SPOCK1: variants seen among roughly 807,000 people sequenced by gnomAD.
The protein encoded by SPOCK1 is testican-1.
Under a neutral mutation model 55.3 loss-of-function variants are expected in SPOCK1, and 23 were observed. The observed-to-expected ratio is 0.42, with a 90% CI of 0.30 to 0.59. The LOEUF (loss-of-function observed/expected upper bound fraction) is 0.59, where lower values mean the gene tolerates loss of function less well. Among genes scored for constraint, SPOCK1 ranks in the 20% least tolerant of loss-of-function variants. The pLI, the probability that SPOCK1 is intolerant of heterozygous loss-of-function variation, is 0.22. For missense variants in SPOCK1, 499 were observed against 552.5 expected (o/e 0.90, Z 0.97); for synonymous variants, 226 against 221.0 (o/e 1.02, Z -0.20).
chr5:137,022,356 C>G (rs1222623866), intron 6 of SPOCK1, among the ~76,000 whole-genome samples: 1 of 152,076 alleles, frequency 6.6e-6, no homozygotes, highest in Non-Finnish European at 1.5e-5. Flanking sequence ...GACTCCAGTC[C>G]CAGGCACTAT....
At chr5:137,142,496 T>C (rs551207396) in intron 3 of SPOCK1, among the ~76,000 whole-genome samples, 1 of 152,178 alleles carries the variant, frequency 6.6e-6, no homozygotes, top group South Asian at 2.1e-4. Context: ...CTCAGGCCCA[T>C]CTGGAAAGTA....
intron 5 of SPOCK1, among the ~76,000 whole-genome samples, chr5:137,104,560 C>T (rs545855120): frequency 2.0e-4 from 31 of 152,342 alleles, no homozygotes; most frequent in Admixed American, 6.5e-4. Flanking sequence ...TAGGAACCGG[C>T]CCACAGCAGG....
At chr5:136,998,545 C>A (rs560283157) in intron 6 of SPOCK1, among the ~76,000 whole-genome samples, 1 of 152,308 alleles carries the variant, frequency 6.6e-6, no homozygotes, top group African/African-American at 2.4e-5. Flanking sequence ...GTCTTGTGGG[C>A]AGCCAATACT....
chr5:137,388,224 G>C (rs963759323), intron 2 of SPOCK1, among the ~76,000 whole-genome samples: 1 of 152,224 alleles, frequency 6.6e-6, no homozygotes, highest in Non-Finnish European at 1.5e-5. Flanking sequence ...TATTTACTGA[G>C]TGGATGAGAG....
intron 5 of SPOCK1, among the ~76,000 whole-genome samples, chr5:137,110,067 A>C (rs1753439601): frequency 6.6e-6 from 1 of 152,174 alleles, no homozygotes; most frequent in South Asian, 2.1e-4. Flanking sequence ...AAATGAATGA[A>C]AGATTCTTTC....
At chr5:137,292,426 TAAAAA>T (rs753574851) in intron 2 of SPOCK1, among the ~76,000 whole-genome samples, 23 of 38,006 alleles carry the variant, frequency 6.1e-4, no homozygotes, top group African/African-American at 1.9e-3. Flanking sequence ...CTGGTGTAGT[TAAAAA>T]AAAAAAAAAA....
Position 137,479,284 on chromosome 5 carries a change from C to T in SPOCK1, c.186+19089G>A, listed in dbSNP as rs141284278. Among the ~76,000 whole-genome samples the T allele has an allele frequency of 2.6e-3, 394 of 152,196 alleles. 2 individuals carry two copies. Among genetic ancestry groups the T allele is most frequent in the Non-Finnish European group, 4.4e-3 (301 of 68,012 alleles). ...GATGCAGCATTAGGGAAGTCTCTGT[C>T]CCCATGGGTTAGTAGAGCAAGGAAT... On this transcript the variant is annotated intron_variant, in intron 2 of 10. Transcript: ENST00000394945.
chr5:137,035,930 T>C (rs1029736094), intron 6 of SPOCK1, among the ~76,000 whole-genome samples: 2 of 152,160 alleles, frequency 1.3e-5, no homozygotes, highest in African/African-American at 4.8e-5. Context: ...TGCTGGGGAT[T>C]AACCAGGGAT....
chr5:137,412,287 A>G (rs192852048), intron 2 of SPOCK1, among the ~76,000 whole-genome samples: 1 of 152,350 alleles, frequency 6.6e-6, no homozygotes, highest in East Asian at 1.9e-4. Context: ...TTGGCACCCA[A>G]TTTCTGCCAG....
intron 3 of SPOCK1, among the ~76,000 whole-genome samples, chr5:137,156,155 G>C (rs756915846): frequency 4.6e-5 from 7 of 151,028 alleles, no homozygotes; most frequent in Non-Finnish European, 8.9e-5. Flanking sequence ...GGGGGAGCAG[G>C]GTAAGTGCCT....
intron 5 of SPOCK1, among the ~76,000 whole-genome samples, chr5:137,103,390 T>C (rs1753308251): frequency 6.6e-6 from 1 of 152,238 alleles, no homozygotes; most frequent in African/African-American, 2.4e-5. Flanking sequence ...AGTGGCCTTA[T>C]GATTAAGTTC....
chr5:137,016,334 C>G lies in SPOCK1; in HGVS notation c.590-23734G>C, dbSNP rs115778707. On this transcript the variant is annotated intron_variant, in intron 6 of 10. Coordinates refer to ENST00000394945, the MANE Select transcript of SPOCK1 (RefSeq NM_004598.4). ...TGAAGGTCATGCAATACCGCAAGCA[C>G]GAGCACAGCAGAAAGTGGGTATTTA... Among the ~76,000 whole-genome samples the G allele has an allele frequency of 3.9e-3, 598 of 152,306 alleles. 11 individuals carry two copies. The highest frequency in any genetic ancestry group is 0.02 in the Middle Eastern group (6 of 294).
chr5:137,426,019 C>T (rs1429562313), intron 2 of SPOCK1, among the ~76,000 whole-genome samples: 4 of 150,924 alleles, frequency 2.7e-5, no homozygotes, highest in Non-Finnish European at 2.9e-5. Context: ...TCTAGCTTAG[C>T]GTCTATCCAG....
intron 5 of SPOCK1, among the ~76,000 whole-genome samples, chr5:137,082,733 C>T (rs13173261): frequency 0.87 from 131,953 of 152,180 alleles, 58,068 homozygotes; most frequent in South Asian, 0.95. Flanking sequence ...TGGGCCTCGG[C>T]CCACAGAGGC....
intron 2 of SPOCK1, among the ~76,000 whole-genome samples, chr5:137,386,137 C>A (rs966650667): frequency 1.3e-5 from 2 of 152,030 alleles, no homozygotes; most frequent in African/African-American, 2.4e-5. Flanking sequence ...TATATTAGCA[C>A]CCAAATAAAT....
intron 3 of SPOCK1, among the ~76,000 whole-genome samples, chr5:137,236,527 C>T (rs1286243506): frequency 6.6e-6 from 1 of 152,142 alleles, no homozygotes; most frequent in Non-Finnish European, 1.5e-5. Flanking sequence ...CCCTGTAGGC[C>T]CCACAAATGT....
At chr5:137,190,918 A>C (rs556063221) in intron 3 of SPOCK1, among the ~76,000 whole-genome samples, 1 of 152,336 alleles carries the variant, frequency 6.6e-6, no homozygotes, top group South Asian at 2.1e-4. Context: ...GAGCAAACCA[A>C]GGAGAACTCA....
At chr5:136,988,852 A>G (rs1750894688) in intron 7 of SPOCK1, 1 of 471,058 alleles carries the variant, frequency 2.1e-6, no homozygotes, top group Admixed American at 3.7e-5. Flanking sequence ...AAAAGTCATC[A>G]TTTGAGGAAA....
At chr5:137,378,082 T>C (rs1259055894) in intron 2 of SPOCK1, among the ~76,000 whole-genome samples, 1 of 151,728 alleles carries the variant, frequency 6.6e-6, no homozygotes, top group Non-Finnish European at 1.5e-5. Context: ...GTAGCTGGGA[T>C]TACAGGCATG....
Sources: gnomAD v4.1 joint callset for allele counts (sites outside exome capture counted in the v4.1 genomes callset) on GRCh38, gnomAD v4.1.1 for gene constraint, MANE v1.5 for transcripts, NCBI Gene and HGNC (gene_info 2026-07-23, HGNC 2026-07-21) for gene names.